The following ROBO1 variants were observed in gnomAD, a reference collection of about 807,000 sequenced individuals.
The protein encoded by ROBO1 is roundabout homolog 1.
In ROBO1, 149 loss-of-function variants were observed where a neutral mutation model predicts 195.9. The ratio of observed to expected loss-of-function variants is 0.76; its 90% confidence interval spans 0.67 to 0.87. ROBO1 has a LOEUF of 0.87. Among genes scored for constraint, ROBO1 ranks in the 40% least tolerant of loss-of-function variants. The pLI is 0.00. For missense variants in ROBO1, 1,933 were observed against 2,068.3 expected, an observed-to-expected ratio of 0.93 and a Z score of 1.27; for synonymous variants, 816 against 733.2, an observed-to-expected ratio of 1.11 and a Z score of -1.82.
intron 4 of ROBO1, among the ~76,000 whole-genome samples, chr3:78,888,962 G>A (rs963196109): frequency 1.3e-5 from 2 of 152,056 alleles, no homozygotes; most frequent in Non-Finnish European, 2.9e-5. Flanking sequence ...TAAACAATGG[G>A]TCCTCTAAAA....
chr3:79,244,099 G>T (rs2082575231), intron 2 of ROBO1, among the ~76,000 whole-genome samples: 1 of 152,086 alleles, frequency 6.6e-6, no homozygotes, highest in South Asian at 2.1e-4. Context: ...TACGAAGCAG[G>T]TAGTATTCAG....
chr3:79,485,238 A>C (rs1165900429), intron 2 of ROBO1, among the ~76,000 whole-genome samples: 2 of 152,104 alleles, frequency 1.3e-5, no homozygotes, highest in Non-Finnish European at 2.9e-5. Context: ...CATTTTATTA[A>C]TTCTTTTGTT....
chr3:79,212,843 A>T (rs112695436), intron 2 of ROBO1, among the ~76,000 whole-genome samples: 2 of 114,394 alleles, frequency 1.7e-5, no homozygotes, highest in Non-Finnish European at 3.4e-5. Flanking sequence ...TAAAATAAAT[A>T]AAATAAAATA....
intron 2 of ROBO1, among the ~76,000 whole-genome samples, chr3:79,317,680 C>T (rs761921921): frequency 6.6e-6 from 1 of 152,068 alleles, no homozygotes. Context: ...CCCATCCTTC[C>T]TAATACTCTT....
At chr3:79,579,180 T>C (rs939984199) in intron 2 of ROBO1, among the ~76,000 whole-genome samples, 1 of 152,236 alleles carries the variant, frequency 6.6e-6, no homozygotes, top group African/African-American at 2.4e-5. Flanking sequence ...ATTTCAGTTA[T>C]GTGCATTATT....
intron 2 of ROBO1, among the ~76,000 whole-genome samples, chr3:79,359,313 C>G (rs1442328023): frequency 6.6e-6 from 1 of 151,760 alleles, no homozygotes; most frequent in African/African-American, 2.4e-5. Flanking sequence ...AAAAAAAAAG[C>G]CTTTCTACTT....
chr3:78,625,275 T>C (rs932550249), intron 26 of ROBO1, among the ~76,000 whole-genome samples: 17 of 152,190 alleles, frequency 1.1e-4, no homozygotes, highest in Non-Finnish European at 1.8e-4. Context: ...ATTTGTAGAA[T>C]GCTAGGAAAA....
At chr3:79,306,278 T>C (rs2033213653) in intron 2 of ROBO1, among the ~76,000 whole-genome samples, 1 of 152,208 alleles carries the variant, frequency 6.6e-6, no homozygotes, top group Non-Finnish European at 1.5e-5. Context: ...GGGAAGAAGA[T>C]AGGTGATAAA....
chr3:79,327,825 A>C (rs2034274856), intron 2 of ROBO1, among the ~76,000 whole-genome samples: 1 of 152,142 alleles, frequency 6.6e-6, no homozygotes, highest in Non-Finnish European at 1.5e-5. Context: ...CAACAGACAA[A>C]ATCTGCTTCT....
rs72892202 is a variant in ROBO1, at chr3:79,650,809, C to T, written c.-50-60848G>A. On this transcript the variant is annotated intron_variant, in intron 1 of 30. Coordinates refer to ENST00000464233, the MANE Select transcript of ROBO1 (RefSeq NM_002941.4). ...TTGATATTTATGACATTTCTGGCAA[C>T]TGTACCATATAAAGGCCTGAGTCAG... 6.6e-3 allele frequency among the ~76,000 whole-genome samples: 1,004 copies of T among 151,900 alleles called. 10 individuals carry two copies. Among genetic ancestry groups the T allele is most frequent in the African/African-American group, 0.023 (945 of 41,484 alleles).
chr3:79,523,469 TTTC>T (rs1328105811), intron 2 of ROBO1, among the ~76,000 whole-genome samples: 1 of 126,750 alleles, frequency 7.9e-6, no homozygotes, highest in Non-Finnish European at 1.6e-5. Flanking sequence ...TTCTTTTTTT[TTTC>T]TTTTTTTTTT....
chr3:79,466,511 A>G (rs941567069), intron 2 of ROBO1, among the ~76,000 whole-genome samples: 1 of 152,210 alleles, frequency 6.6e-6, no homozygotes, highest in Non-Finnish European at 1.5e-5. Context: ...ATGAAGCTCA[A>G]TAATTATTGT....
At chr3:79,675,480 G>A (rs1435782351) in intron 1 of ROBO1, among the ~76,000 whole-genome samples, 1 of 151,954 alleles carries the variant, frequency 6.6e-6, no homozygotes, top group Non-Finnish European at 1.5e-5. Context: ...ATTAAGATCA[G>A]TTTGAGTTTT....
At chr3:79,663,986 G>A (rs1946402121) in intron 1 of ROBO1, among the ~76,000 whole-genome samples, 1 of 152,004 alleles carries the variant, frequency 6.6e-6, no homozygotes, top group South Asian at 2.1e-4. Context: ...TTATTCTGCT[G>A]TCAACGAATA....
chr3:79,322,382 G>GGAGCATTATGA (rs1454570230), intron 2 of ROBO1, among the ~76,000 whole-genome samples: 1 of 152,102 alleles, frequency 6.6e-6, no homozygotes, highest in Non-Finnish European at 1.5e-5. Context: ...GAGCATTATG[G>GGAGCATTATGA]GAGCATAAAT....
chr3:79,285,587 A>G (rs1460121125), intron 2 of ROBO1, among the ~76,000 whole-genome samples: 1 of 152,208 alleles, frequency 6.6e-6, no homozygotes, highest in Non-Finnish European at 1.5e-5. Context: ...AAGCTGTGCA[A>G]CAAAACAGAA....
intron 4 of ROBO1, among the ~76,000 whole-genome samples, chr3:78,843,834 T>C (rs902217011): frequency 1.3e-5 from 2 of 152,004 alleles, no homozygotes; most frequent in African/African-American, 4.8e-5. Context: ...TAAATTAAGC[T>C]CTCAATCAAT....
At position 79,524,517 on chromosome 3, in the gene ROBO1, C is replaced by T. The variant is rs367806860; in HGVS notation, c.88+65307G>A. ...GTCTACAATTTGTTAAAGGTTAATT[C>T]TTTTCTATATTATACTTGATAAACA... On this transcript the variant is annotated intron_variant, in intron 2 of 30. Transcript: ENST00000464233. Among the ~76,000 whole-genome samples the T allele has an allele frequency of 1.7e-4, 26 of 152,076 alleles. 1 individual carries two copies. The highest frequency in any genetic ancestry group is 1.4e-3 in the East Asian group (7 of 5,174).
At chr3:78,674,793 T>C (rs1420746155) in intron 10 of ROBO1, among the ~76,000 whole-genome samples, 5 of 152,172 alleles carry the variant, frequency 3.3e-5, no homozygotes, top group African/African-American at 1.2e-4. Context: ...ATTGGAGATA[T>C]TTGAGACTAC....
Sources: gnomAD v4.1 joint callset for allele counts (sites outside exome capture counted in the v4.1 genomes callset) on GRCh38, gnomAD v4.1.1 for gene constraint, MANE v1.5 for transcripts, NCBI Gene and HGNC (gene_info 2026-07-23, HGNC 2026-07-21) for gene names.